The following FRMPD1 variants were observed in gnomAD, a reference collection of about 807,000 sequenced individuals.
FRMPD1 encodes FERM and PDZ domain containing 1, also known as FERM and PDZ domain-containing protein 1.
FRMPD1 carries 76 observed loss-of-function variants against 117.8 expected under a neutral mutation model. The ratio of observed to expected loss-of-function variants is 0.65; its 90% CI spans 0.54 to 0.78. FRMPD1 has a LOEUF of 0.78. Among genes scored for constraint, FRMPD1 ranks in the 30% least tolerant of loss-of-function variants. The probability of loss-of-function intolerance (pLI) is 0.00; values close to 1 mark genes in which losing one functional copy is unlikely to be tolerated. For missense variants in FRMPD1, 1,786 were observed against 1,964.5 expected, an observed-to-expected ratio of 0.91 and a Z score of 1.72; for synonymous variants, 783 against 770.4, an observed-to-expected ratio of 1.02 and a Z score of -0.27.
At chr9:37,689,788 G>A (rs1212799691) in intron 1 of FRMPD1, among the ~76,000 whole-genome samples, 1 of 152,124 alleles carries the variant, frequency 6.6e-6, no homozygotes. Flanking sequence ...ATAGGGTATC[G>A]AATTCTAGAC....
At chr9:37,665,026 C>G (rs762943467) in intron 1 of FRMPD1, among the ~76,000 whole-genome samples, 1 of 152,004 alleles carries the variant, frequency 6.6e-6, no homozygotes, top group Non-Finnish European at 1.5e-5. Context: ...ATACAGACAT[C>G]GAAAATAAAC....
intron 7 of FRMPD1, chr9:37,727,877 C>T (rs1823682744): frequency 6.6e-6 from 1 of 152,196 alleles, no homozygotes; most frequent in Non-Finnish European, 1.5e-5. Context: ...TGGTGCGAGA[C>T]TTACTGCGTT....
At chr9:37,736,200 A>G (rs1019788527) in intron 13 of FRMPD1, among the ~76,000 whole-genome samples, 1 of 151,646 alleles carries the variant, frequency 6.6e-6, no homozygotes, top group African/African-American at 2.4e-5. Context: ...ATGGGGTTTC[A>G]CTGTGTTAGC....
chr9:37,734,039 G>A (rs975440383), intron 12 of FRMPD1, among the ~76,000 whole-genome samples: 1 of 152,210 alleles, frequency 6.6e-6, no homozygotes, highest in African/African-American at 2.4e-5. Context: ...GGCTGAATAA[G>A]ATGTGATTTC....
At chr9:37,614,456 G>A in the FRMPD1 span, among the ~76,000 whole-genome samples, 24 of 152,190 alleles carry the variant, frequency 1.6e-4, no homozygotes, top group Non-Finnish European at 2.2e-4. Context: ...GCACAAGGGC[G>A]TCAGTTCCTT....
In FRMPD1 at chr9:37,746,776, C is replaced by A. The variant is rs1824751386; in HGVS notation, c.*7C>A. The A allele has an allele frequency of 6.2e-7, 1 of 1,608,232 alleles. No individual in the cohort carries two copies. Among genetic ancestry groups the A allele is most frequent in the South Asian group, 1.1e-5 (1 of 90,864 alleles). ...GGCATCCACGGCCCTGTAAACAGGT[C>A]AACGGCCCAAGGGCCTCCTGCCCTG... On this transcript the variant is annotated 3_prime_UTR_variant, in exon 16 of 16. Transcript: ENST00000377765.
intron 1 of FRMPD1, among the ~76,000 whole-genome samples, chr9:37,690,216 A>G (rs763478987): frequency 6.6e-6 from 1 of 151,972 alleles, no homozygotes; most frequent in Admixed American, 6.6e-5. Flanking sequence ...CTCTTCCTAC[A>G]GTCTTTCATT....
Position 37,746,738 on chromosome 9 carries a change from C to A in FRMPD1, c.4706C>A (p.Thr1569Asn). The A allele has an allele frequency of 6.2e-7, 1 of 1,614,064 alleles. No individual in the cohort carries two copies. The change falls in exon 16 of 16, where the codon ACC becomes AAC. Residue 1569 changes from threonine to asparagine, a missense_variant. Transcript: ENST00000377765. ...TALTAAVFCL[T>N]QKFRASTAL ...CTCACGGCCGCCGTGTTCTGTTTGA[C>A]CCAGAAGTTCCGGGCATCCACGGCC... is the stretch of plus-strand genomic sequence containing the variant.
the FRMPD1 span, among the ~76,000 whole-genome samples, chr9:37,616,023 G>GA: frequency 2.0e-5 from 3 of 151,434 alleles, no homozygotes; most frequent in Non-Finnish European, 2.9e-5. Flanking sequence ...CACCATGTTG[G>GA]TCAGGCTGGT....
chr9:37,724,152 T>C (rs1472417188), intron 6 of FRMPD1, 73 bp from the exon 7 acceptor site: 1 of 758,580 alleles, frequency 1.3e-6, no homozygotes, highest in Non-Finnish European at 2.3e-6. Context: ...CCAGCCTGGG[T>C]GACAGAGAGA....
chr9:37,664,369 C>T (rs1335533258), intron 1 of FRMPD1, among the ~76,000 whole-genome samples: 1 of 152,066 alleles, frequency 6.6e-6, no homozygotes, highest in Non-Finnish European at 1.5e-5. Flanking sequence ...GAGTTTGTTA[C>T]ATAGGTATAC....
At chr9:37,647,155 A>G (rs1824153865), upstream of FRMPD1, among the ~76,000 whole-genome samples, 1 of 152,152 alleles carries the variant, frequency 6.6e-6, no homozygotes, top group Non-Finnish European at 1.5e-5. Flanking sequence ...TATTAATATT[A>G]GATCATTTGA....
At chr9:37,701,788 G>T in intron 2 of FRMPD1, among the ~76,000 whole-genome samples, 1 of 152,168 alleles carries the variant, frequency 6.6e-6, no homozygotes, top group East Asian at 1.9e-4. Flanking sequence ...CTGGCTGCTA[G>T]ATGGAGAATC....
At chr9:37,714,651 TTTTA>T (rs1445801739) in intron 5 of FRMPD1, among the ~76,000 whole-genome samples, 9 of 71,260 alleles carry the variant, frequency 1.3e-4, no homozygotes, top group African/African-American at 5.6e-4. Context: ...TTTTATCTTA[TTTTA>T]TTTATTTTTG....
intron 4 of FRMPD1, among the ~76,000 whole-genome samples, chr9:37,710,596 G>A (rs10814604): frequency 0.21 from 31,745 of 152,058 alleles, 3,538 homozygotes; most frequent in Non-Finnish European, 0.26. Flanking sequence ...CATTCATTCT[G>A]TTTAGTGAAA....
chr9:37,708,339 TA>T, intron 3 of FRMPD1, 59 bp from the exon 4 acceptor site: 1 of 1,010,750 alleles, frequency 9.9e-7, no homozygotes, highest in Non-Finnish European at 1.6e-6. Context: ...GTGCCGCTAT[TA>T]CACATAGAGT....
chr9:37,645,330 C>T, the FRMPD1 span, among the ~76,000 whole-genome samples: 202 of 152,230 alleles, frequency 1.3e-3, 1 homozygote, highest in African/African-American at 4.5e-3. Context: ...TATTGCCTTC[C>T]TCTGTTTCTA....
intron 7 of FRMPD1, among the ~76,000 whole-genome samples, chr9:37,726,281 G>T (rs1375913997): frequency 6.6e-6 from 1 of 152,186 alleles, no homozygotes; most frequent in Non-Finnish European, 1.5e-5. Context: ...GGGAAGAAAA[G>T]TTCTTGTATT....
chr9:37,674,737 A>G (rs1821467237), intron 1 of FRMPD1, among the ~76,000 whole-genome samples: 2 of 152,226 alleles, frequency 1.3e-5, no homozygotes, highest in African/African-American at 4.8e-5. Context: ...GCAAAAGTGG[A>G]AACCCCTGAT....
Sources: gnomAD v4.1 joint callset for allele counts (sites outside exome capture counted in the v4.1 genomes callset) on GRCh38, gnomAD v4.1.1 for gene constraint, MANE v1.5 for transcripts, NCBI Gene and HGNC (gene_info 2026-07-23, HGNC 2026-07-21) for gene names.